The following C1QTNF3 variants were observed in gnomAD, a reference collection of about 807,000 sequenced individuals.
C1QTNF3 encodes complement C1q tumor necrosis factor-related protein 3.
C1QTNF3 carries 26 observed loss-of-function variants against 32.6 expected under a neutral mutation model. The ratio of observed to expected loss-of-function variants is 0.80; its 90% CI spans 0.58 to 1.11. C1QTNF3 has a LOEUF of 1.11. Among genes scored for constraint, C1QTNF3 ranks in the 50% least tolerant of loss-of-function variants. C1QTNF3 has a pLI of 0.00. For missense variants in C1QTNF3, 362 were observed against 398.2 expected, an observed-to-expected ratio of 0.91 and a Z score of 0.77; for synonymous variants, 155 against 146.0, an observed-to-expected ratio of 1.06 and a Z score of -0.44.
the C1QTNF3 span, among the ~76,000 whole-genome samples, chr5:34,127,676 C>A: frequency 5.9e-5 from 9 of 151,646 alleles, no homozygotes; most frequent in Non-Finnish European, 7.4e-5. Context: ...CAACCTCTAG[C>A]TCCCAGGTTC....
the C1QTNF3 span, among the ~76,000 whole-genome samples, chr5:34,138,690 A>C: frequency 1.1e-4 from 16 of 152,326 alleles, no homozygotes; most frequent in African/African-American, 3.6e-4. Flanking sequence ...ATAATTACCC[A>C]CACAGCTGAA....
chr5:34,167,085 G>A, the C1QTNF3 span: 148 of 151,968 alleles, frequency 9.7e-4, 1 homozygote, highest in African/African-American at 3.5e-3. Flanking sequence ...CTTTTCACTG[G>A]GGTCTATTGT....
At chr5:34,050,767 G>A in the C1QTNF3 span, among the ~76,000 whole-genome samples, 3 of 152,118 alleles carry the variant, frequency 2.0e-5, no homozygotes, top group Non-Finnish European at 2.9e-5. Context: ...CACTTGAGAC[G>A]CAGACATGGC....
chr5:34,042,740 G>T, intron 1 of C1QTNF3, 83 bp downstream of exon 1: 1 of 1,356,698 alleles, frequency 7.4e-7, no homozygotes, highest in Non-Finnish European at 1.0e-6. Flanking sequence ...AAGAATCTTA[G>T]CCAAAAAAAG....
the C1QTNF3 span, among the ~76,000 whole-genome samples, chr5:34,186,829 C>G: frequency 7.2e-5 from 11 of 152,146 alleles, no homozygotes; most frequent in Non-Finnish European, 1.2e-4. Context: ...ACCTCCCCTC[C>G]TTGCAAATTT....
chr5:34,138,564 C>A, the C1QTNF3 span, among the ~76,000 whole-genome samples: 1 of 151,936 alleles, frequency 6.6e-6, no homozygotes, highest in African/African-American at 2.4e-5. Context: ...TATATGACAT[C>A]ATTAATCTCT....
chr5:34,177,061 C>T, the C1QTNF3 span, among the ~76,000 whole-genome samples: 3 of 151,914 alleles, frequency 2.0e-5, no homozygotes, highest in Admixed American at 6.6e-5. Flanking sequence ...GGTGTAGTGG[C>T]GCATGCCTGT....
intron 5 of C1QTNF3, among the ~76,000 whole-genome samples, chr5:34,023,056 C>T (rs891320382): frequency 3.9e-5 from 6 of 152,060 alleles, no homozygotes; most frequent in Admixed American, 6.6e-5. Context: ...GGGGTTTCAC[C>T]GTGTTAGCCA....
chr5:34,194,749 G>C, the C1QTNF3 span, among the ~76,000 whole-genome samples: 1 of 152,416 alleles, frequency 6.6e-6, no homozygotes, highest in Admixed American at 6.5e-5. Flanking sequence ...TGGGGGACTA[G>C]TTTCAGGATC....
At chr5:34,104,267 A>C in the C1QTNF3 span, among the ~76,000 whole-genome samples, 6 of 27,646 alleles carry the variant, frequency 2.2e-4, no homozygotes, top group African/African-American at 8.6e-4. Flanking sequence ...CAAAACAGAA[A>C]AGGGAAATTT....
chr5:34,080,584 G>C, the C1QTNF3 span, among the ~76,000 whole-genome samples: 5 of 151,734 alleles, frequency 3.3e-5, no homozygotes, highest in Non-Finnish European at 5.9e-5. Context: ...GTAGTGATGA[G>C]ACATAAATAA....
the C1QTNF3 span, among the ~76,000 whole-genome samples, chr5:34,161,612 G>A: frequency 6.6e-6 from 1 of 152,174 alleles, no homozygotes; most frequent in South Asian, 2.1e-4. Flanking sequence ...CTATTTTTCA[G>A]GTGAACTATC....
chr5:34,156,624 A>G, the C1QTNF3 span, among the ~76,000 whole-genome samples: 1 of 152,170 alleles, frequency 6.6e-6, no homozygotes, highest in Non-Finnish European at 1.5e-5. Context: ...GCACAGTTAG[A>G]ATTTGTGAAA....
intron 1 of C1QTNF3, among the ~76,000 whole-genome samples, chr5:34,039,504 A>G (rs1175200910): frequency 6.6e-6 from 1 of 152,170 alleles, no homozygotes; most frequent in Non-Finnish European, 1.5e-5. Flanking sequence ...TTTTGGTAAC[A>G]GCACCTCCCT....
chr5:34,118,831 A>G, the C1QTNF3 span, among the ~76,000 whole-genome samples: 2 of 152,022 alleles, frequency 1.3e-5, no homozygotes, highest in African/African-American at 4.8e-5. Context: ...CATCACATTG[A>G]AAAGGTTACA....
the C1QTNF3 span, among the ~76,000 whole-genome samples, chr5:34,087,821 C>T: frequency 1.3e-5 from 2 of 152,146 alleles, no homozygotes; most frequent in Non-Finnish European, 2.9e-5. Context: ...TGAGCTCAAG[C>T]GATCTCTCTG....
chr5:34,139,666 G>A, the C1QTNF3 span, among the ~76,000 whole-genome samples: 1 of 152,034 alleles, frequency 6.6e-6, no homozygotes, highest in African/African-American at 2.4e-5. Context: ...GAAATAAAAT[G>A]ATAGAACTAA....
the C1QTNF3 span, among the ~76,000 whole-genome samples, chr5:34,092,506 T>C: frequency 6.8e-6 from 1 of 147,324 alleles, no homozygotes; most frequent in Non-Finnish European, 1.5e-5. Context: ...TCCCATATCC[T>C]GTGATTTTCA....
At chr5:34,035,219 G>T (rs1005014839) in intron 2 of C1QTNF3, among the ~76,000 whole-genome samples, 1 of 152,282 alleles carries the variant, frequency 6.6e-6, no homozygotes, top group East Asian at 1.9e-4. Flanking sequence ...CATGGTACTG[G>T]AGCCTAAAAA....
Sources: gnomAD v4.1 joint callset for allele counts (sites outside exome capture counted in the v4.1 genomes callset) on GRCh38, gnomAD v4.1.1 for gene constraint, MANE v1.5 for transcripts, NCBI Gene and HGNC (gene_info 2026-07-23, HGNC 2026-07-21) for gene names.